Variants in PHF21B observed in about 807,000 individuals in gnomAD.
The protein encoded by PHF21B is PHD finger protein 4.
In PHF21B, 22 loss-of-function variants were observed where a neutral mutation model predicts 62.2. The ratio of observed to expected loss-of-function variants is 0.35; its 90% CI spans 0.25 to 0.51. PHF21B has a LOEUF of 0.51. Among genes scored for constraint, PHF21B ranks in the 20% least tolerant of loss-of-function variants. PHF21B has a pLI of 0.97. For synonymous variants in PHF21B, 341 were observed against 314.7 expected, an observed-to-expected ratio of 1.08 and a Z score of -0.88; for missense variants, 701 against 707.9, an observed-to-expected ratio of 0.99 and a Z score of 0.11.
At chr22:45,007,784 G>T (rs1438908418) in intron 2 of PHF21B, among the ~76,000 whole-genome samples, 3 of 147,314 alleles carry the variant, frequency 2.0e-5, no homozygotes, top group Middle Eastern at 3.8e-3. Context: ...CGGGAGCCAG[G>T]GGGCGGGGGC....
At position 44,919,542 on chromosome 22, in the gene PHF21B, G is replaced by A. The variant is rs572895788; in HGVS notation, c.213+856C>T. Among the ~76,000 whole-genome samples, 7 of 152,318 alleles carry A rather than the reference G, an allele frequency of 4.6e-5. No individual in the cohort carries two copies. In the South Asian group the frequency reaches 1.5e-3, roughly 32 times the overall value. On this transcript the variant is annotated intron_variant, in intron 3 of 12. Transcript: ENST00000313237. The stretch of plus-strand genomic sequence containing the variant: ...GGGCACTTGGGGAAAGTTGCCACAT[G>A]AATGAGGGAGCTCAGGGCGGCCACC...
At chr22:44,982,426 T>C (rs2072859836) in intron 2 of PHF21B, among the ~76,000 whole-genome samples, 1 of 152,134 alleles carries the variant, frequency 6.6e-6, no homozygotes, top group African/African-American at 2.4e-5. Flanking sequence ...CTTCCACAGA[T>C]GAGAAACCTG....
intron 6 of PHF21B, among the ~76,000 whole-genome samples, chr22:44,893,928 G>A (rs529005019): frequency 3.2e-4 from 48 of 152,358 alleles, no homozygotes; most frequent in Admixed American, 5.2e-4. Context: ...CCCAGCTCCC[G>A]GAAGCCCAGG....
chr22:44,895,870 G>A (rs1416331853), intron 6 of PHF21B, among the ~76,000 whole-genome samples, 162 bp downstream of exon 6: 6 of 152,156 alleles, frequency 3.9e-5, no homozygotes, highest in African/African-American at 7.2e-5. Flanking sequence ...ACTGCCATCC[G>A]AGCCGGGACA....
At chr22:45,006,871 A>G (rs2073323649) in intron 2 of PHF21B, among the ~76,000 whole-genome samples, 2 of 151,598 alleles carry the variant, frequency 1.3e-5, no homozygotes, top group Admixed American at 1.3e-4. Context: ...TTTTTTTTTA[A>G]AGAAAGTATC....
At chr22:44,894,806 T>C (rs1272950989) in intron 6 of PHF21B, among the ~76,000 whole-genome samples, 2 of 152,102 alleles carry the variant, frequency 1.3e-5, no homozygotes, top group African/African-American at 4.8e-5. Context: ...GAGAGGGCTG[T>C]CTTCTCGGAG....
intron 2 of PHF21B, among the ~76,000 whole-genome samples, chr22:44,947,594 G>A (rs948982059): frequency 1.1e-4 from 16 of 140,826 alleles, no homozygotes; most frequent in African/African-American, 4.9e-4. Flanking sequence ...CGGCAGCACA[G>A]GCACCAAATT....
chr22:44,971,032 G>C (rs1194185192), intron 2 of PHF21B: 1 of 152,284 alleles, frequency 6.6e-6, no homozygotes, highest in Non-Finnish European at 1.5e-5. Context: ...GGCCATTCCA[G>C]CAGTACCAGC....
At position 44,937,067 on chromosome 22, in the gene PHF21B, T is replaced by C. The variant is rs180894512; in HGVS notation, c.121-16577A>G. On this transcript the variant is annotated intron_variant, in intron 2 of 12. Coordinates refer to ENST00000313237, the MANE Select transcript of PHF21B (RefSeq NM_138415.5). ...TTTTAGTAGAGGTGAGGTTTCACCA[T>C]GTTGGCCAGGATGGTCTCGAACTCC... Among the ~76,000 whole-genome samples, 13 of 152,202 alleles carry C rather than the reference T, an allele frequency of 8.5e-5. No individual in the cohort carries two copies. The East Asian group carries it at 2.1e-3, about 25-fold the overall frequency.
At chr22:44,931,254 G>C (rs1182398164) in intron 2 of PHF21B, among the ~76,000 whole-genome samples, 1 of 152,172 alleles carries the variant, frequency 6.6e-6, no homozygotes, top group African/African-American at 2.4e-5. Flanking sequence ...ACTCCAGAAT[G>C]CTGCTCATGT....
At chr22:44,896,722 C>A (rs1473740218) in intron 5 of PHF21B, among the ~76,000 whole-genome samples, 2 of 152,122 alleles carry the variant, frequency 1.3e-5, no homozygotes, top group Non-Finnish European at 2.9e-5. Flanking sequence ...TTATCTCATT[C>A]TTTTCACCCT....
At chr22:44,968,643 C>A (rs1180876938) in intron 2 of PHF21B, among the ~76,000 whole-genome samples, 254 of 113,666 alleles carry the variant, frequency 2.2e-3, no homozygotes, top group South Asian at 8.5e-3. Context: ...GATTCCATCT[C>A]AAAAAAAAAA....
intron 2 of PHF21B, among the ~76,000 whole-genome samples, chr22:44,948,294 T>C (rs935028863): frequency 6.6e-6 from 1 of 152,192 alleles, no homozygotes; most frequent in African/African-American, 2.4e-5. Flanking sequence ...GACAGTCCCA[T>C]CTGCGGGTGG....
chr22:44,934,584 C>T (rs535978167), intron 2 of PHF21B, among the ~76,000 whole-genome samples: 1 of 152,268 alleles, frequency 6.6e-6, no homozygotes, highest in South Asian at 2.1e-4. Flanking sequence ...CATGGACAGA[C>T]CACACCCATC....
At chr22:44,948,677 T>G (rs2072128133) in intron 2 of PHF21B, among the ~76,000 whole-genome samples, 2 of 136,962 alleles carry the variant, frequency 1.5e-5, no homozygotes, top group African/African-American at 5.6e-5. Context: ...GGTGACAGAG[T>G]GAGACTCTGT....
At chr22:45,004,218 G>A (rs2073271737) in intron 2 of PHF21B, among the ~76,000 whole-genome samples, 1 of 152,178 alleles carries the variant, frequency 6.6e-6, no homozygotes, top group African/African-American at 2.4e-5. Context: ...ACTTTAAATG[G>A]GTGAGTAAGT....
intron 2 of PHF21B, among the ~76,000 whole-genome samples, chr22:44,961,235 A>G (rs5765106): frequency 0.79 from 120,235 of 151,950 alleles, 47,793 homozygotes; most frequent in East Asian, 0.89. Flanking sequence ...GATTACAGGC[A>G]TGAGCCACCG....
intron 8 of PHF21B, among the ~76,000 whole-genome samples, chr22:44,890,183 A>G: frequency 6.6e-6 from 1 of 152,136 alleles, no homozygotes; most frequent in Admixed American, 6.5e-5. Context: ...CACAGCTAGG[A>G]GCCACCATGG....
rs2070779610 is a variant in PHF21B, at chr22:44,883,786, A to T, written c.1378-482T>A. Among the ~76,000 whole-genome samples the T allele has an allele frequency of 3.4e-5, 5 of 145,772 alleles. No individual in the cohort carries two copies. The South Asian group carries it at 1.1e-3, about 31-fold the overall frequency. ...TCCCATATCCATCTGCTCTGGGTGA[A>T]ATACTGCTTGGGCAAATAACAACCT... On this transcript the variant is annotated intron_variant, in intron 12 of 12. Transcript: ENST00000313237.
Sources: gnomAD v4.1 joint callset for allele counts (sites outside exome capture counted in the v4.1 genomes callset) on GRCh38, gnomAD v4.1.1 for gene constraint, MANE v1.5 for transcripts, NCBI Gene and HGNC (gene_info 2026-07-23, HGNC 2026-07-21) for gene names.